Variants in GMDS observed in about 807,000 individuals in gnomAD.
The protein encoded by GMDS is GDP-mannose 4,6 dehydratase.
GMDS carries 20 observed loss-of-function variants against 49.9 expected under a neutral mutation model. The ratio of observed to expected loss-of-function variants is 0.40; its 90% CI spans 0.28 to 0.58. The LOEUF is 0.58. Ranked by LOEUF, GMDS falls within the 20% of genes least tolerant of loss-of-function variation. The pLI, the probability that GMDS is intolerant of heterozygous loss-of-function variation, is 0.42. For synonymous variants in GMDS, 177 were observed against 178.6 expected (o/e 0.99, Z 0.07); for missense variants, 362 against 481.4 (o/e 0.75, Z 2.32).
intron 4 of GMDS, among the ~76,000 whole-genome samples, chr6:2,080,291 A>C (rs1418485486): frequency 1.3e-5 from 2 of 152,070 alleles, no homozygotes; most frequent in Non-Finnish European, 2.9e-5. Context: ...CAAGAATGTG[A>C]ATTATTTGTT....
chr6:1,990,741 A>ACT, intron 4 of GMDS, among the ~76,000 whole-genome samples: 1 of 144,104 alleles, frequency 6.9e-6, no homozygotes, highest in African/African-American at 2.6e-5. Flanking sequence ...CACCCAGCTA[A>ACT]TTTTTTTTTT....
chr6:1,794,728 A>G (rs189889560), intron 7 of GMDS, among the ~76,000 whole-genome samples: 85 of 152,338 alleles, frequency 5.6e-4, no homozygotes, highest in African/African-American at 2.0e-3. Context: ...CAAGACCTTT[A>G]TATGTGTACT....
chr6:1,878,794 T>C (rs1759225957), intron 7 of GMDS, among the ~76,000 whole-genome samples: 1 of 152,196 alleles, frequency 6.6e-6, no homozygotes, highest in Non-Finnish European at 1.5e-5. Flanking sequence ...AAGAATATCA[T>C]TTAAAAGACT....
At chr6:2,152,639 T>A (rs997648950) in intron 1 of GMDS, among the ~76,000 whole-genome samples, 1 of 152,176 alleles carries the variant, frequency 6.6e-6, no homozygotes, top group Non-Finnish European at 1.5e-5. Context: ...TTCTTGCTCC[T>A]GGATTAGAAG....
At chr6:1,779,453 A>G (rs1252651387) in intron 7 of GMDS, among the ~76,000 whole-genome samples, 1 of 152,192 alleles carries the variant, frequency 6.6e-6, no homozygotes, top group African/African-American at 2.4e-5. Context: ...GATAAAGGTA[A>G]CTGTGTGTGA....
chr6:1,702,116 G>A (rs1297755220), intron 9 of GMDS, among the ~76,000 whole-genome samples: 2 of 152,252 alleles, frequency 1.3e-5, no homozygotes, highest in Non-Finnish European at 1.5e-5. Context: ...GCGCCACAAC[G>A]CCAGTCAGAG....
At chr6:1,930,318 G>T in intron 6 of GMDS, 88 bp from the exon 7 acceptor site, 1 of 1,079,696 alleles carries the variant, frequency 9.3e-7, no homozygotes, top group Non-Finnish European at 1.4e-6. Context: ...CGGCCTCTGG[G>T]CATTTCTTTC....
chr6:1,734,782 C>G (rs139363076), intron 8 of GMDS, among the ~76,000 whole-genome samples: 235 of 152,328 alleles, frequency 1.5e-3, no homozygotes, highest in African/African-American at 5.5e-3. Flanking sequence ...CCTAGGAAGT[C>G]AGACTAGGAA....
intron 7 of GMDS, among the ~76,000 whole-genome samples, chr6:1,879,103 C>T (rs527273569): frequency 7.2e-5 from 11 of 151,808 alleles, no homozygotes; most frequent in South Asian, 6.2e-4. Context: ...TACAAAGTTG[C>T]GATAAAGATT....
At chr6:2,186,376 A>C (rs1778780262) in intron 1 of GMDS, among the ~76,000 whole-genome samples, 1 of 152,228 alleles carries the variant, frequency 6.6e-6, no homozygotes, top group Non-Finnish European at 1.5e-5. Context: ...GAAATCTGGC[A>C]TAAGTCTACC....
At chr6:1,672,269 G>A (rs1207140281) in intron 9 of GMDS, among the ~76,000 whole-genome samples, 3 of 152,194 alleles carry the variant, frequency 2.0e-5, no homozygotes, top group African/African-American at 7.2e-5. Context: ...AAGCCGTGAT[G>A]CGTGAATGAG....
At chr6:1,988,210 G>C (rs1282438375) in intron 4 of GMDS, among the ~76,000 whole-genome samples, 2 of 152,122 alleles carry the variant, frequency 1.3e-5, no homozygotes, top group Non-Finnish European at 2.9e-5. Flanking sequence ...TTGTGATTTA[G>C]AATCAGGTTG....
At chr6:1,873,905 T>C (rs1385682292) in intron 7 of GMDS, among the ~76,000 whole-genome samples, 3 of 152,330 alleles carry the variant, frequency 2.0e-5, no homozygotes, top group South Asian at 4.1e-4. Context: ...AATCCTCTTA[T>C]ACCACACACT....
At chr6:1,771,579 T>A (rs1561793983) in intron 7 of GMDS, among the ~76,000 whole-genome samples, 1 of 152,246 alleles carries the variant, frequency 6.6e-6, no homozygotes, top group Non-Finnish European at 1.5e-5. Context: ...ATTGGATGCA[T>A]GCATCCTACA....
intron 1 of GMDS, among the ~76,000 whole-genome samples, chr6:2,189,840 A>G (rs1778935590): frequency 1.3e-5 from 2 of 152,378 alleles, no homozygotes; most frequent in South Asian, 4.1e-4. Context: ...ACTACAACAC[A>G]GAGATCAATT....
At chr6:1,893,403 G>GAA in intron 7 of GMDS, among the ~76,000 whole-genome samples, 1 of 151,932 alleles carries the variant, frequency 6.6e-6, no homozygotes, top group Non-Finnish European at 1.5e-5. Context: ...TGTTGGCCAG[G>GAA]CTGGTCTCGA....
At chr6:1,970,761 C>G (rs530593373) in intron 4 of GMDS, among the ~76,000 whole-genome samples, 31 of 152,132 alleles carry the variant, frequency 2.0e-4, no homozygotes, top group South Asian at 1.2e-3. Flanking sequence ...AAAGTAGGGT[C>G]CGCAGGCACA....
At chr6:2,117,587 T>G (rs201891715) in intron 2 of GMDS, 31 bp from the exon 3 acceptor site, 1 of 1,114,372 alleles carries the variant, frequency 9.0e-7, no homozygotes, top group Non-Finnish European at 1.4e-6. Context: ...AAGATAAATG[T>G]GCAATGAGGA....
chr6:1,734,315 T>C (rs553160710), intron 8 of GMDS, among the ~76,000 whole-genome samples: 2 of 152,368 alleles, frequency 1.3e-5, no homozygotes, highest in Admixed American at 1.3e-4. Flanking sequence ...CAGCTGTTCA[T>C]GTAGAAGGCA....
Sources: gnomAD v4.1 joint callset for allele counts (sites outside exome capture counted in the v4.1 genomes callset) on GRCh38, gnomAD v4.1.1 for gene constraint, MANE v1.5 for transcripts, NCBI Gene and HGNC (gene_info 2026-07-23, HGNC 2026-07-21) for gene names.